Variants in CEP162 observed in about 807,000 individuals in gnomAD.
CEP162 encodes the protein centrosomal protein 162, also known as centrosomal protein of 162 kDa.
CEP162 carries 141 observed loss-of-function variants against 169.2 expected under a neutral mutation model. The ratio of observed to expected loss-of-function variants is 0.83; its 90% CI spans 0.73 to 0.96. The LOEUF is 0.96. Ranked by LOEUF, CEP162 falls within the 40% of genes least tolerant of loss-of-function variation. CEP162 has a pLI of 0.00. For missense variants in CEP162, 1,600 were observed against 1,587.2 expected (o/e 1.01, Z -0.14); for synonymous variants, 540 against 526.4 (o/e 1.03, Z -0.35).
chr6:84,175,409 A>G (rs972371080), intron 13 of CEP162, 62 bp from the exon 14 acceptor site: 1 of 1,153,460 alleles, frequency 8.7e-7, no homozygotes, highest in Admixed American at 2.9e-5. Context: ...ATACTCATCA[A>G]TTGTGTCCAA....
At chr6:84,215,677 A>G in intron 4 of CEP162, 99 bp downstream of exon 4, 1 of 1,439,422 alleles carries the variant, frequency 6.9e-7, no homozygotes, top group Non-Finnish European at 9.3e-7. Context: ...AAATCTGTCT[A>G]CATGCTTCAG....
chr6:84,194,863 A>T (rs780965106), intron 10 of CEP162, 21 bp downstream of exon 10: 1 of 1,521,692 alleles, frequency 6.6e-7, no homozygotes, highest in South Asian at 1.2e-5. Flanking sequence ...ATAATTGAAA[A>T]ATTCATCTGT....
At chr6:84,164,005 CA>C (rs537600830) in intron 18 of CEP162, among the ~76,000 whole-genome samples, 13,336 of 83,318 alleles carry the variant, frequency 0.16, 1,593 homozygotes, top group African/African-American at 0.38. Context: ...AACAAATTTA[CA>C]AAAAAAAAAA....
chr6:84,192,525 G>A (rs2099540357), intron 11 of CEP162, among the ~76,000 whole-genome samples: 1 of 152,220 alleles, frequency 6.6e-6, no homozygotes, highest in South Asian at 2.1e-4. Context: ...ATGAATTTTA[G>A]TGGAAGGTTC....
intron 8 of CEP162, 125 bp from the exon 9 acceptor site, chr6:84,201,030 G>A (rs969891251): frequency 6.2e-5 from 28 of 450,950 alleles, no homozygotes; most frequent in Non-Finnish European, 1.0e-4. Context: ...TGTAATCCCA[G>A]CACTTTGGGA....
Position 84,204,073 on chromosome 6 carries a change from CT to C in CEP162, c.594del (p.Asp199MetfsTer8). On this transcript the variant is annotated frameshift_variant, in exon 7 of 27. Transcript: ENST00000403245. LOFTEE classifies it high-confidence loss of function. Reference sequence around the variant, plus strand: ...GTCAACGGTGCACCAACATACTCATCTTCAAAATCATCACTGTAATTTTCTG... The same window carrying C: ...GTCAACGGTGCACCAACATACTCATCTCAAAATCATCACTGTAATTTTCTG... ...ELAENYSDDF[E>X]DEYVGAPLTT... The C allele has an allele frequency of 6.3e-7, 1 of 1,598,414 alleles. No individual in the cohort carries two copies. Among genetic ancestry groups the C allele is most frequent in the Middle Eastern group, 1.7e-4 (1 of 6,012 alleles).
rs147671635 is a variant in CEP162 at position 84,215,831 on chromosome 6, T to C, written c.264A>G (p.Gln88=). ...EIEEESAEKI[Q]FLKSSGTSLL... ...GAGAGGTTCCACTGCTCTTAAGAAA[T>C]TGAATCTTTTCAGCAGACTCCTCTT... is the stretch of plus-strand genomic sequence containing the variant. Residue 88 remains glutamine, a synonymous_variant, in exon 4 of 27, where the codon CAA becomes CAG. Coordinates refer to ENST00000403245, the MANE Select transcript of CEP162 (RefSeq NM_014895.4). 9 of 1,588,350 alleles carry C rather than the reference T, an allele frequency of 5.7e-6. No individual in the cohort carries two copies. In the East Asian group the frequency reaches 1.4e-4, roughly 24 times the overall value.
At chr6:84,207,668 T>C (rs1283897292) in intron 6 of CEP162, among the ~76,000 whole-genome samples, 2 of 151,822 alleles carry the variant, frequency 1.3e-5, no homozygotes, top group Non-Finnish European at 2.9e-5. Flanking sequence ...TATACATATG[T>C]AACAAACCTG....
chr6:84,141,687 G>A (rs2099516715), intron 25 of CEP162, among the ~76,000 whole-genome samples: 2 of 152,138 alleles, frequency 1.3e-5, no homozygotes, highest in South Asian at 4.1e-4. Context: ...GGGTGTATAG[G>A]TTACTTGTGT....
At chr6:84,206,283 C>A (rs1317885827) in intron 6 of CEP162, among the ~76,000 whole-genome samples, 4 of 149,360 alleles carry the variant, frequency 2.7e-5, no homozygotes, top group Non-Finnish European at 4.4e-5. Context: ...GCAGAAAGAA[C>A]AAAGCTGGAG....
intron 25 of CEP162, among the ~76,000 whole-genome samples, chr6:84,126,869 G>A (rs1588682246): frequency 6.6e-6 from 1 of 152,102 alleles, no homozygotes; most frequent in Non-Finnish European, 1.5e-5. Context: ...TACATTTAAA[G>A]CACTCAACAT....
chr6:84,197,542 G>A (rs1486839801), intron 9 of CEP162, among the ~76,000 whole-genome samples: 1 of 152,084 alleles, frequency 6.6e-6, no homozygotes, highest in African/African-American at 2.4e-5. Context: ...GCTAGGCACA[G>A]TGGCTCACGC....
intron 15 of CEP162, 99 bp downstream of exon 15, chr6:84,174,628 C>CTT (rs1180069838): frequency 1.6e-6 from 1 of 639,124 alleles, no homozygotes; most frequent in Non-Finnish European, 2.6e-6. Context: ...TCAAGTCAAA[C>CTT]ATCTCTAGGA....
In CEP162 at chr6:84,186,625, TA is replaced by T; in HGVS notation, c.1110-3del. ...TTTCTTTCGGCCACTTTCTCAGAGCTATAAAACAAAACAGGACACAGATAAT... is the reference window on the plus strand; with the variant it reads ...TTTCTTTCGGCCACTTTCTCAGAGCTTAAAACAAAACAGGACACAGATAAT... On this transcript the variant is annotated splice_polypyrimidine_tract_variant and splice_region_variant and intron_variant, in intron 11 of 26. Coordinates refer to ENST00000403245, the MANE Select transcript of CEP162 (RefSeq NM_014895.4). 1 of 1,594,618 alleles carries T rather than the reference TA, an allele frequency of 6.3e-7. No individual in the cohort carries two copies. The highest frequency in any genetic ancestry group is 1.7e-5 in the Admixed American group (1 of 58,054).
At chr6:84,146,489 T>C (rs553975909) in intron 25 of CEP162, among the ~76,000 whole-genome samples, 198 bp downstream of exon 25, 3 of 152,162 alleles carry the variant, frequency 2.0e-5, no homozygotes, top group African/African-American at 7.2e-5. Context: ...AAATAAAACA[T>C]AGACAACTTA....
chr6:84,147,333 G>T (rs1000035564), intron 24 of CEP162, among the ~76,000 whole-genome samples: 1 of 152,070 alleles, frequency 6.6e-6, no homozygotes, highest in Non-Finnish European at 1.5e-5. Flanking sequence ...AGATGGGAGT[G>T]GGGGGTTGGG....
chr6:84,147,988 C>T (rs890637588), intron 24 of CEP162, among the ~76,000 whole-genome samples: 5 of 152,034 alleles, frequency 3.3e-5, no homozygotes, highest in African/African-American at 1.2e-4. Context: ...ATTTATAACG[C>T]TGGGAAAATA....
chr6:84,161,338 T>C (rs566375021), intron 20 of CEP162, among the ~76,000 whole-genome samples: 2 of 151,598 alleles, frequency 1.3e-5, no homozygotes, highest in South Asian at 4.2e-4. Context: ...TTCTAGAGAG[T>C]AGATATTTGA....
intron 23 of CEP162, among the ~76,000 whole-genome samples, chr6:84,151,696 G>C (rs1289527375): frequency 6.6e-6 from 1 of 152,110 alleles, no homozygotes; most frequent in Non-Finnish European, 1.5e-5. Flanking sequence ...GATGGAGAAG[G>C]AAGAAGGGTC....
Sources: gnomAD v4.1 joint callset for allele counts (sites outside exome capture counted in the v4.1 genomes callset) on GRCh38, gnomAD v4.1.1 for gene constraint, MANE v1.5 for transcripts, NCBI Gene and HGNC (gene_info 2026-07-23, HGNC 2026-07-21) for gene names.